ZBTB38: variants seen among roughly 807,000 people sequenced by gnomAD.
The protein encoded by ZBTB38 is zinc finger and BTB domain containing 38, also known as zinc finger and BTB domain-containing protein 38.
In ZBTB38, 20 loss-of-function variants were observed where a neutral mutation model predicts 76.8. The ratio of observed to expected loss-of-function variants is 0.26; its 90% CI spans 0.18 to 0.38. The LOEUF (loss-of-function observed/expected upper bound fraction) is 0.38, where lower values mean the gene tolerates loss of function less well. Among genes scored for constraint, ZBTB38 ranks in the 10% least tolerant of loss-of-function variants. The pLI, the probability that ZBTB38 is intolerant of heterozygous loss-of-function variation, is 1.00. For missense variants in ZBTB38, 1,082 were observed against 1,482.3 expected (o/e 0.73, Z 4.43); for synonymous variants, 504 against 544.2 (o/e 0.93, Z 1.03).
intron 2 of ZBTB38, among the ~76,000 whole-genome samples, chr3:141,370,443 G>A (rs576741766): frequency 2.0e-4 from 31 of 152,246 alleles, no homozygotes; most frequent in Non-Finnish European, 4.0e-4. Flanking sequence ...GTAGTCCTTG[G>A]TGGAGCAGCC....
Position 141,440,904 on chromosome 3 carries a change from T to G in ZBTB38, c.1-1485T>G, listed in dbSNP as rs574039859. On this transcript the variant is annotated intron_variant, in intron 5 of 5. Transcript: ENST00000321464. ...CAAAAATTAGCTGGGCGTGGTGGCATGCACCTGTAGTCCCAGCTACTCGGG... is the reference window on the plus strand; with the variant it reads ...CAAAAATTAGCTGGGCGTGGTGGCAGGCACCTGTAGTCCCAGCTACTCGGG... Among the ~76,000 whole-genome samples, 414 of 151,226 alleles carry G rather than the reference T, an allele frequency of 2.7e-3. 2 individuals carry two copies. Among genetic ancestry groups the G allele is most frequent in the African/African-American group, 9.7e-3 (401 of 41,260 alleles).
rs563464713 is a variant in ZBTB38 at position 141,420,234 on chromosome 3, G to A, written c.-1+16203G>A. 3.3e-5 allele frequency among the ~76,000 whole-genome samples: 5 copies of A among 152,228 alleles called. No individual in the cohort carries two copies. The South Asian group carries it at 1.0e-3, about 32-fold the overall frequency. On this transcript the variant is annotated intron_variant, in intron 5 of 5. Transcript: ENST00000321464. ...AAAACAATTGGAATGAGCTACTTAGGGAGAATGAGGGAATAGAGAAGAACA... is the reference window on the plus strand; with the variant it reads ...AAAACAATTGGAATGAGCTACTTAGAGAGAATGAGGGAATAGAGAAGAACA...
rs1341692007 is a variant in ZBTB38, at chr3:141,432,210, A to G, written c.1-10179A>G. ...GATATGGCCCCTGTGCTGGCCCAGT[A>G]TGGACTGCAGGTTTGACTTTTGCAG... On this transcript the variant is annotated intron_variant, in intron 5 of 5. Coordinates refer to ENST00000321464, the MANE Select transcript of ZBTB38 (RefSeq NM_001376113.1). The G allele has an allele frequency of 5.1e-6, 5 of 985,362 alleles. No individual in the cohort carries two copies. In the Admixed American group the frequency reaches 2.5e-4, roughly 48 times the overall value. The allele number at this position is 985,362 out of a possible 1,614,324, so 61.0% of individuals were successfully genotyped here.
At chr3:141,375,125 A>C (rs951719212) in intron 2 of ZBTB38, among the ~76,000 whole-genome samples, 1 of 152,254 alleles carries the variant, frequency 6.6e-6, no homozygotes, top group African/African-American at 2.4e-5. Context: ...TAGTATGTCT[A>C]TGCCAGAATT....
chr3:141,432,786 TAA>T (rs2077902192), intron 5 of ZBTB38, among the ~76,000 whole-genome samples: 1 of 152,232 alleles, frequency 6.6e-6, no homozygotes, highest in Non-Finnish European at 1.5e-5. Flanking sequence ...GGGAAGTAGT[TAA>T]AGTCAGATTA....
chr3:141,343,352 C>A (rs148242703), intron 1 of ZBTB38, among the ~76,000 whole-genome samples: 1 of 152,138 alleles, frequency 6.6e-6, no homozygotes, highest in East Asian at 1.9e-4. Context: ...TTCAAGGGAG[C>A]AGGACAGTAG....
rs141274623 is a variant in ZBTB38 at position 141,343,482 on chromosome 3, G to T, written c.-739+19026G>T. ...GGGAGGAGAAGGACTCTGAGCAAAT[G>T]GGATCAAACAGGTAGAATGTTTCTC... On this transcript the variant is annotated intron_variant, in intron 1 of 7. Coordinates refer to the ZBTB38 transcript ENST00000509842. 3.9e-5 allele frequency among the ~76,000 whole-genome samples: 6 copies of T among 152,250 alleles called. No individual in the cohort carries two copies. In the East Asian group the frequency reaches 1.2e-3, roughly 29 times the overall value.
At chr3:141,432,383 T>A in intron 5 of ZBTB38, 1 of 697,452 alleles carries the variant, frequency 1.4e-6, no homozygotes, top group Non-Finnish European at 1.8e-6. Flanking sequence ...AGGAGCTGCG[T>A]GGCCAAGGGC....
intron 1 of ZBTB38, among the ~76,000 whole-genome samples, chr3:141,369,047 C>G (rs1944158403): frequency 6.6e-6 from 1 of 151,646 alleles, no homozygotes; most frequent in Non-Finnish European, 1.5e-5. Context: ...GGAGAACAGC[C>G]CAACTGATGC....
chr3:141,374,126 A>G (rs573893572), intron 2 of ZBTB38, among the ~76,000 whole-genome samples: 2 of 152,256 alleles, frequency 1.3e-5, no homozygotes, highest in South Asian at 2.1e-4. Context: ...GAAAAAAAAA[A>G]AAAAGTGTTG....
intron 5 of ZBTB38, chr3:141,426,018 G>C: frequency 1.8e-6 from 1 of 568,724 alleles, no homozygotes; most frequent in Non-Finnish European, 2.9e-6. Context: ...TTGGGACACA[G>C]CTTGGATGAC....
At chr3:141,357,373 GT>G (rs1386651222) in intron 1 of ZBTB38, among the ~76,000 whole-genome samples, 2 of 151,984 alleles carry the variant, frequency 1.3e-5, no homozygotes, top group Admixed American at 6.6e-5. Context: ...GCCAAACAGG[GT>G]TTTTATGCAA....
chr3:141,378,438 A>T (rs992279201), intron 2 of ZBTB38, among the ~76,000 whole-genome samples: 4 of 152,224 alleles, frequency 2.6e-5, no homozygotes, highest in Non-Finnish European at 5.9e-5. Flanking sequence ...TTTGAACTAT[A>T]CCAGCATCTG....
chr3:141,344,276 G>T (rs1379357493), intron 1 of ZBTB38, among the ~76,000 whole-genome samples: 1 of 152,116 alleles, frequency 6.6e-6, no homozygotes, highest in Non-Finnish European at 1.5e-5. Context: ...CCTTCTGGAG[G>T]CTTAGGGGAG....
In ZBTB38 at chr3:141,346,794, G is replaced by GTGTGTA. The variant is rs58575805; in HGVS notation, c.-738-21822_-738-21821insATGTGT. 8.1e-3 allele frequency among the ~76,000 whole-genome samples: 1,212 copies of GTGTGTA among 150,108 alleles called. 16 individuals carry two copies. Among genetic ancestry groups the GTGTGTA allele is most frequent in the African/African-American group, 0.029 (1,159 of 39,944 alleles). On this transcript the variant is annotated intron_variant, in intron 1 of 7. Transcript: ENST00000509842. ...TTTTTGTTTTGTTTTGTGTGTGTGT[G>GTGTGTA]TGTGTGTGTGTGTGTGTGTGTGGTG...
intron 5 of ZBTB38, among the ~76,000 whole-genome samples, chr3:141,434,884 G>A (rs2150667865): frequency 6.6e-6 from 1 of 152,212 alleles, no homozygotes; most frequent in South Asian, 2.1e-4. Flanking sequence ...TGTAATCCAA[G>A]CACTTTGGGA....
chr3:141,440,179 A>G (rs1204660538), intron 5 of ZBTB38, among the ~76,000 whole-genome samples: 1 of 152,252 alleles, frequency 6.6e-6, no homozygotes, highest in Non-Finnish European at 1.5e-5. Flanking sequence ...CAATAGGCAC[A>G]CCAGAAACCC....
chr3:141,378,737 C>T (rs1329292565), intron 2 of ZBTB38, among the ~76,000 whole-genome samples: 1 of 152,206 alleles, frequency 6.6e-6, no homozygotes, highest in Admixed American at 6.5e-5. Flanking sequence ...GCACCCTCTG[C>T]TTCTCAGAGA....
At chr3:141,389,183 A>T (rs1948051797) in intron 4 of ZBTB38, 1 of 152,200 alleles carries the variant, frequency 6.6e-6, no homozygotes, top group South Asian at 2.1e-4. Context: ...GTTTGCTTCA[A>T]TGTGAAGAAC....
Sources: gnomAD v4.1 joint callset for allele counts (sites outside exome capture counted in the v4.1 genomes callset) on GRCh38, gnomAD v4.1.1 for gene constraint, MANE v1.5 for transcripts, NCBI Gene and HGNC (gene_info 2026-07-23, HGNC 2026-07-21) for gene names.